Variants in MYO10 observed in about 807,000 individuals in gnomAD.
MYO10 encodes unconventional myosin-X.
MYO10 carries 133 observed loss-of-function variants against 257.3 expected under a neutral mutation model. That is an observed-to-expected ratio of 0.52 (90% CI 0.45 to 0.60). MYO10 has a LOEUF of 0.60. Ranked by LOEUF, MYO10 falls within the 20% of genes least tolerant of loss-of-function variation. The pLI is 0.00. For synonymous variants in MYO10, 1,104 were observed against 1,028.6 expected (o/e 1.07, Z -1.40); for missense variants, 2,399 against 2,635.7 (o/e 0.91, Z 1.97).
chr5:16,823,677 T>C (rs570289402), intron 2 of MYO10, among the ~76,000 whole-genome samples: 2 of 150,668 alleles, frequency 1.3e-5, no homozygotes, highest in South Asian at 4.3e-4. Context: ...TTTCACCGTG[T>C]TAGCCAGGAT....
chr5:16,902,590 C>G lies in MYO10; in HGVS notation c.22-24883G>C. The G allele has an allele frequency of 2.5e-6, 4 of 1,579,476 alleles. No individual in the cohort carries two copies. In the Admixed American group the frequency reaches 5.0e-5, roughly 20 times the overall value. ...CAGTTAGTGCAGCGAATAGGCTGCA[C>G]GTGGCCGCGGCCCTTTTTGGCACGA... On this transcript the variant is annotated intron_variant, in intron 1 of 40. Coordinates refer to ENST00000513610, the MANE Select transcript of MYO10 (RefSeq NM_012334.3).
Position 16,666,652 on chromosome 5 carries a change from T to C in MYO10, c.*40A>G, listed in dbSNP as rs773262623. The C allele has an allele frequency of 1.3e-6, 2 of 1,516,856 alleles. No individual in the cohort carries two copies. The highest frequency in any genetic ancestry group is 2.4e-5 in the South Asian group (2 of 83,906). The allele number at this position is 1,516,856 out of a possible 1,614,324, so 94.0% of individuals were successfully genotyped here. On this transcript the variant is annotated 3_prime_UTR_variant, in exon 41 of 41. Transcript: ENST00000513610. ...GGAGCCAGCCTAGGCCAGAGGGTGG[T>C]GCGTTCAGGTAGCAAAGACAGGTGG... is the stretch of plus-strand genomic sequence containing the variant.
intron 4 of MYO10, among the ~76,000 whole-genome samples, chr5:16,793,416 C>T (rs547010069): frequency 1.8e-4 from 28 of 152,174 alleles, no homozygotes; most frequent in African/African-American, 6.5e-4. Context: ...CCTCCACCTC[C>T]GGGTTAAAGT....
At chr5:16,716,165 T>C (rs571846057) in intron 19 of MYO10, among the ~76,000 whole-genome samples, 52 of 152,100 alleles carry the variant, frequency 3.4e-4, no homozygotes, top group Non-Finnish European at 6.5e-4. Flanking sequence ...GAAATCTATG[T>C]AGTTTTAATG....
Position 16,906,217 on chromosome 5 carries a change from C to G in MYO10, c.22-28510G>C, listed in dbSNP as rs191845317. On this transcript the variant is annotated intron_variant, in intron 1 of 40. Coordinates refer to ENST00000513610, the MANE Select transcript of MYO10 (RefSeq NM_012334.3). Reference sequence around the variant, plus strand: ...GCCAGGGGTAGGGTCCAGAATGGACCCCCCCATTCCTCAACACCACACCCT... The same window carrying G: ...GCCAGGGGTAGGGTCCAGAATGGACGCCCCCATTCCTCAACACCACACCCT... Among the ~76,000 whole-genome samples the G allele has an allele frequency of 3.0e-3, 460 of 152,174 alleles. 6 individuals carry two copies. The highest frequency in any genetic ancestry group is 0.011 in the African/African-American group (444 of 41,518).
intron 19 of MYO10, among the ~76,000 whole-genome samples, chr5:16,736,985 A>G (rs1739830067): frequency 6.6e-6 from 1 of 152,188 alleles, no homozygotes; most frequent in Non-Finnish European, 1.5e-5. Context: ...GAGATTTCAT[A>G]TTCAAATCAT....
rs1740713388 is a variant in MYO10, at chr5:16,761,527, C to T, written c.1676G>A (p.Gly559Asp). The change falls in exon 17 of 41, where the codon GGT (glycine) becomes GAT (aspartate). Residue 559 changes from glycine to aspartate, a missense_variant. Physicochemically the swap from Gly to Asp is moderately conservative, Grantham distance 94. Coordinates refer to ENST00000513610, the MANE Select transcript of MYO10 (RefSeq NM_012334.3). ...TGTATCTCTGTTCTTCTCCAAGATACCTCGGACATCATATTGCACCTAGTT... is the reference window on the plus strand; with the variant it reads ...TGTATCTCTGTTCTTCTCCAAGATATCTCGGACATCATATTGCACCTAGTT... Reference protein sequence around the residue: ...YAGEVQYDVRGILEKNRDTFR... With the variant: ...YAGEVQYDVRDILEKNRDTFR... 6.2e-7 allele frequency: 1 copy of T among 1,612,630 alleles called. No individual in the cohort carries two copies.
intron 2 of MYO10, among the ~76,000 whole-genome samples, chr5:16,839,311 C>T (rs1051394269): frequency 2.0e-5 from 3 of 152,084 alleles, no homozygotes; most frequent in Non-Finnish European, 4.4e-5. Flanking sequence ...GAAGATTATT[C>T]CAACCCTCAT....
At position 16,677,433 on chromosome 5, in the gene MYO10, T is replaced by TTTTTTTTTTTTTG. The variant is rs1363770924; in HGVS notation, c.4543-1280_4543-1279insCAAAAAAAAAAAA. ...AACTTGACCTTTTTTTTTTTTTTTT[T>TTTTTTTTTTTTTG]GAGACGGAGTCTTGCTCTTTCGCCC... is the stretch of plus-strand genomic sequence containing the variant. On this transcript the variant is annotated intron_variant, in intron 33 of 40. Coordinates refer to ENST00000513610, the MANE Select transcript of MYO10 (RefSeq NM_012334.3). Among the ~76,000 whole-genome samples, 104 of 145,288 alleles carry TTTTTTTTTTTTTG rather than the reference T, an allele frequency of 7.2e-4. 1 individual carries two copies. Among genetic ancestry groups the TTTTTTTTTTTTTG allele is most frequent in the African/African-American group, 2.3e-3 (84 of 36,874 alleles).
At chr5:16,729,780 C>T (rs1407036040) in intron 19 of MYO10, among the ~76,000 whole-genome samples, 1 of 152,090 alleles carries the variant, frequency 6.6e-6, no homozygotes, top group South Asian at 2.1e-4. Flanking sequence ...AACAGCAACG[C>T]TTTGCTAAAA....
rs199993711 is a variant in MYO10 at position 16,684,114 on chromosome 5, A to G, written c.3991-179T>C. ...TTGTGTGAGTACAAATAGCCTCTAC[A>G]CGGAGCAGAATCTATAGGCCATTTA... On this transcript the variant is annotated intron_variant, in intron 29 of 40. Transcript: ENST00000513610. 1.6e-4 allele frequency among the ~76,000 whole-genome samples: 24 copies of G among 152,342 alleles called. No individual in the cohort carries two copies. In the East Asian group the frequency reaches 4.0e-3, roughly 26 times the overall value.
intron 19 of MYO10, among the ~76,000 whole-genome samples, chr5:16,743,992 A>T (rs1740099513): frequency 6.6e-6 from 1 of 152,148 alleles, no homozygotes; most frequent in African/African-American, 2.4e-5. Flanking sequence ...TTTTCTGTAA[A>T]TTTTTTAATG....
At chr5:16,681,605 T>A (rs1046777386) in intron 31 of MYO10, 102 bp from the exon 32 acceptor site, 6 of 1,280,774 alleles carry the variant, frequency 4.7e-6, no homozygotes, top group Non-Finnish European at 6.5e-6. Context: ...GGTTTCTAGC[T>A]GTTTGCCAGA....
intron 40 of MYO10, among the ~76,000 whole-genome samples, chr5:16,667,984 T>C (rs1736254309): frequency 6.6e-6 from 1 of 152,110 alleles, no homozygotes; most frequent in African/African-American, 2.4e-5. Context: ...AATATACTTT[T>C]TCAGGGACAT....
chr5:16,718,941 CA>C (rs1219280970), intron 19 of MYO10, among the ~76,000 whole-genome samples: 2 of 152,176 alleles, frequency 1.3e-5, no homozygotes, highest in Non-Finnish European at 2.9e-5. Flanking sequence ...CCTGACAAAA[CA>C]GGCCACTCGG....
At chr5:16,771,748 T>C (rs927976311) in intron 9 of MYO10, among the ~76,000 whole-genome samples, 2 of 151,198 alleles carry the variant, frequency 1.3e-5, no homozygotes, top group African/African-American at 4.9e-5. Flanking sequence ...CCTGGCTAAA[T>C]TTTTGTATTT....
chr5:16,915,699 C>T (rs1345537152), intron 1 of MYO10, among the ~76,000 whole-genome samples: 4 of 152,192 alleles, frequency 2.6e-5, no homozygotes, highest in African/African-American at 7.2e-5. Context: ...CTCACGCCTA[C>T]AATCCCAGCA....
chr5:16,766,884 C>T (rs1209984959), intron 10 of MYO10, among the ~76,000 whole-genome samples: 33 of 151,424 alleles, frequency 2.2e-4, no homozygotes, highest in Non-Finnish European at 1.3e-4. Context: ...ATTCTCCTGC[C>T]TCAGCCTCCT....
intron 1 of MYO10, among the ~76,000 whole-genome samples, chr5:16,924,151 G>A: frequency 6.6e-6 from 1 of 152,192 alleles, no homozygotes; most frequent in East Asian, 1.9e-4. Context: ...TGGCTCCCCA[G>A]GCAATGTACA....
Sources: allele counts gnomAD v4.1 joint callset (sites outside exome capture counted in the v4.1 genomes callset), GRCh38; gene constraint gnomAD v4.1.1; transcripts MANE v1.5; gene names NCBI Gene and HGNC (gene_info 2026-07-23, HGNC 2026-07-21).